Variants in ADI1 observed in about 807,000 individuals in gnomAD.
ADI1 encodes acireductone dioxygenase 1, also known as acireductone dioxygenase.
In ADI1, 21 loss-of-function variants were observed where a neutral mutation model predicts 18.7. The observed-to-expected ratio is 1.13, with a 90% CI of 0.80 to 1.62. The LOEUF (loss-of-function observed/expected upper bound fraction) is 1.62. Among genes scored for constraint, ADI1 ranks in the 40% most tolerant of loss-of-function variants. The pLI is 0.00. For synonymous variants in ADI1, 90 were observed against 100.1 expected (o/e 0.90, Z 0.60); for missense variants, 245 against 254.9 (o/e 0.96, Z 0.26).
intron 2 of ADI1, among the ~76,000 whole-genome samples, chr2:3,513,382 T>C (rs7570603): frequency 0.026 from 3,891 of 152,274 alleles, 181 homozygotes; most frequent in African/African-American, 0.089. Context: ...CCAAATTTCA[T>C]ATTGAAATGT....
intron 1 of ADI1, chr2:3,515,979 A>G: frequency 1.0e-6 from 1 of 985,202 alleles, no homozygotes; most frequent in Non-Finnish European, 1.2e-6. Context: ...TATCCACTGC[A>G]TGATATGCAC....
intron 2 of ADI1, 102 bp from the exon 3 acceptor site, chr2:3,501,095 G>A (rs1426645489): frequency 2.0e-6 from 2 of 1,009,472 alleles, no homozygotes; most frequent in Non-Finnish European, 2.8e-6. Flanking sequence ...CAGAGCTGAG[G>A]TGAATGGGAC....
intron 2 of ADI1, among the ~76,000 whole-genome samples, chr2:3,502,611 C>T (rs1406314530): frequency 6.6e-6 from 1 of 152,028 alleles, no homozygotes; most frequent in Admixed American, 6.5e-5. Context: ...TCACCACACC[C>T]AGCTAATTTT....
chr2:3,505,626 C>A (rs1667159213), intron 2 of ADI1, among the ~76,000 whole-genome samples: 1 of 152,184 alleles, frequency 6.6e-6, no homozygotes, highest in African/African-American at 2.4e-5. Context: ...CCAGCCAGAT[C>A]CCAGCCTGCT....
At chr2:3,508,640 G>A (rs1353621953) in intron 2 of ADI1, among the ~76,000 whole-genome samples, 1 of 152,120 alleles carries the variant, frequency 6.6e-6, no homozygotes, top group Non-Finnish European at 1.5e-5. Context: ...AGTGCCTCAT[G>A]TCAGTAATTC....
At chr2:3,510,588 C>G (rs1039466984) in intron 2 of ADI1, among the ~76,000 whole-genome samples, 1 of 152,056 alleles carries the variant, frequency 6.6e-6, no homozygotes, top group Non-Finnish European at 1.5e-5. Context: ...TTATCAGTAT[C>G]AGGAATGAGA....
intron 2 of ADI1, among the ~76,000 whole-genome samples, chr2:3,502,526 C>G (rs192910666): frequency 6.7e-6 from 1 of 148,154 alleles, no homozygotes; most frequent in Non-Finnish European, 1.5e-5. Flanking sequence ...GATCTCGGCT[C>G]ACTTCAACCT....
chr2:3,519,367 C>A lies in ADI1; in HGVS notation c.120+1G>T. The A allele has an allele frequency of 1.4e-6, 2 of 1,430,920 alleles. No homozygotes were observed. The highest frequency in any genetic ancestry group is 1.4e-5 in the South Asian group (1 of 70,318). The allele number at this position is 1,430,920 out of a possible 1,614,324, so 88.6% of individuals were successfully genotyped here. A position where few individuals can be genotyped will look rare whatever the true frequency, so the allele number is the denominator to read the frequency against. On this transcript the variant is annotated splice_donor_variant, in intron 1 of 3. Coordinates refer to ENST00000327435, the MANE Select transcript of ADI1 (RefSeq NM_018269.4). LOFTEE classifies it high-confidence loss of function. Reference sequence around the variant, plus strand: ...GCTCTGCGAGGCTTGGGCTCGCGTACCTTCCAGTAGAGCACCCCGAGCCGC... The same window carrying A: ...GCTCTGCGAGGCTTGGGCTCGCGTAACTTCCAGTAGAGCACCCCGAGCCGC...
intron 1 of ADI1, chr2:3,514,929 A>G (rs1003630620): frequency 5.0e-5 from 76 of 1,505,008 alleles, no homozygotes; most frequent in African/African-American, 2.0e-4. Context: ...CTCAAATAAT[A>G]CTTTTATAAT....
chr2:3,501,819 C>T (rs551724175), intron 2 of ADI1, among the ~76,000 whole-genome samples: 237 of 152,224 alleles, frequency 1.6e-3, no homozygotes, highest in Middle Eastern at 3.4e-3. Flanking sequence ...GAAGCCACCA[C>T]GCCTGGTCTG....
rs545823360 is a variant in ADI1, at chr2:3,500,704, C to G, written c.420+110G>C. On this transcript the variant is annotated intron_variant, in intron 3 of 3. Coordinates refer to ENST00000327435, the MANE Select transcript of ADI1 (RefSeq NM_018269.4). ...GAAGCACAGGTCGAGGAGTCCCGAGCCCAGCGACCGCGCTTGGAGTCTGCG... is the reference window on the plus strand; with the variant it reads ...GAAGCACAGGTCGAGGAGTCCCGAGGCCAGCGACCGCGCTTGGAGTCTGCG... 48 of 1,445,126 alleles carry G rather than the reference C, an allele frequency of 3.3e-5. No homozygotes were observed. The African/African-American group carries it at 6.7e-4, about 20-fold the overall frequency. 89.5% of individuals were successfully genotyped at this position (1,445,126 alleles called of 1,614,324 possible). A position where few individuals can be genotyped will look rare whatever the true frequency, so the allele number is the denominator to read the frequency against.
At chr2:3,505,925 C>A (rs552756308) in intron 2 of ADI1, among the ~76,000 whole-genome samples, 2 of 152,350 alleles carry the variant, frequency 1.3e-5, no homozygotes, top group East Asian at 1.9e-4. Context: ...CGTCTATAAA[C>A]CAGGAAGCAG....
At chr2:3,513,065 G>A (rs1186218347) in intron 2 of ADI1, among the ~76,000 whole-genome samples, 1 of 152,208 alleles carries the variant, frequency 6.6e-6, no homozygotes, top group Non-Finnish European at 1.5e-5. Context: ...GAACTTTCAT[G>A]GGTCCTGTAG....
intron 1 of ADI1, 104 bp from the exon 2 acceptor site, chr2:3,514,080 ATT>A: frequency 7.2e-7 from 1 of 1,383,356 alleles, no homozygotes; most frequent in African/African-American, 1.5e-5. Flanking sequence ...CAAATTTATC[ATT>A]TGTTATTTTT....
At chr2:3,500,572 A>C in intron 3 of ADI1, 1 of 594,546 alleles carries the variant, frequency 1.7e-6, no homozygotes, top group Non-Finnish European at 3.0e-6. Flanking sequence ...CCGCCTGGGT[A>C]TGAAATGCAC....
Position 3,503,534 on chromosome 2 carries a change from T to C in ADI1, c.241-2541A>G, listed in dbSNP as rs1314962494. 3.6e-5 allele frequency among the ~76,000 whole-genome samples: 4 copies of C among 111,818 alleles called. 1 individual carries two copies. Among genetic ancestry groups the C allele is most frequent in the African/African-American group, 6.5e-5 (1 of 15,462 alleles). The allele number at this position is 111,818 out of a possible 152,430, so 73.4% of individuals were successfully genotyped here. A position where few individuals can be genotyped will look rare whatever the true frequency, so the allele number is the denominator to read the frequency against. On this transcript the variant is annotated intron_variant, in intron 2 of 3. Transcript: ENST00000327435. ...ACATTCACACACTCACATGCACACATACACACGTACACACTCACACACGTG... is the reference window on the plus strand; with the variant it reads ...ACATTCACACACTCACATGCACACACACACACGTACACACTCACACACGTG...
At chr2:3,515,934 G>A (rs1490529744) in intron 1 of ADI1, 8 of 985,350 alleles carry the variant, frequency 8.1e-6, no homozygotes, top group African/African-American at 5.2e-5. Flanking sequence ...TCATCAATAC[G>A]TTATTTTCTA....
intron 1 of ADI1, among the ~76,000 whole-genome samples, chr2:3,518,844 C>T (rs1265117536): frequency 6.6e-6 from 1 of 152,240 alleles, no homozygotes; most frequent in Non-Finnish European, 1.5e-5. Flanking sequence ...AATCTTGCAG[C>T]CCTGCCGGCC....
intron 1 of ADI1, 58 bp from the exon 2 acceptor site, chr2:3,514,034 A>T: frequency 3.3e-6 from 5 of 1,538,006 alleles, no homozygotes; most frequent in Non-Finnish European, 4.4e-6. Context: ...ATGTAGAAAC[A>T]TTCTCTTTCT....
Sources: gnomAD v4.1 joint callset for allele counts (sites outside exome capture counted in the v4.1 genomes callset) on GRCh38, gnomAD v4.1.1 for gene constraint, MANE v1.5 for transcripts, NCBI Gene and HGNC (gene_info 2026-07-23, HGNC 2026-07-21) for gene names.